Variants in FBN2 observed in about 807,000 individuals in gnomAD.
FBN2 encodes the protein fibrillin 2, also known as fibrillin-2.
In FBN2, 105 loss-of-function variants were observed where a neutral mutation model predicts 355.6. The observed-to-expected ratio is 0.30, with a 90% CI of 0.25 to 0.35. The LOEUF (loss-of-function observed/expected upper bound fraction) is 0.35, where lower values mean the gene tolerates loss of function less well. Among genes scored for constraint, FBN2 ranks in the 10% least tolerant of loss-of-function variants. The pLI is 1.00. For missense variants in FBN2, 3,280 were observed against 3,758.7 expected (o/e 0.87, Z 3.33); for synonymous variants, 1,350 against 1,301.2 (o/e 1.04, Z -0.81).
chr5:128,428,267 A>C (rs1245317803), intron 7 of FBN2, among the ~76,000 whole-genome samples: 1 of 152,206 alleles, frequency 6.6e-6, no homozygotes, highest in Non-Finnish European at 1.5e-5. Context: ...AATGAAGGTC[A>C]GAATATTATA....
At chr5:128,499,577 T>C (rs1273926021) in intron 5 of FBN2, among the ~76,000 whole-genome samples, 2 of 152,098 alleles carry the variant, frequency 1.3e-5, no homozygotes, top group African/African-American at 4.8e-5. Context: ...GTATTCAGAG[T>C]ACTGAATTTG....
At chr5:128,419,365 G>A (rs1753285482) in intron 7 of FBN2, among the ~76,000 whole-genome samples, 1 of 152,138 alleles carries the variant, frequency 6.6e-6, no homozygotes, top group South Asian at 2.1e-4. Context: ...GAAATGGTGA[G>A]AGTAGACATC....
chr5:128,356,323 T>G (rs1751502914), intron 20 of FBN2, among the ~76,000 whole-genome samples: 1 of 152,338 alleles, frequency 6.6e-6, no homozygotes, highest in Non-Finnish European at 1.5e-5. Context: ...GTCATTTGTC[T>G]TTATGTAACA....
intron 7 of FBN2, among the ~76,000 whole-genome samples, chr5:128,414,251 C>G (rs561484763): frequency 4.6e-5 from 7 of 152,152 alleles, no homozygotes; most frequent in South Asian, 2.1e-4. Flanking sequence ...TCATCCCCCC[C>G]CAAGGAAATT....
chr5:128,524,713 T>C (rs911589013), intron 4 of FBN2, among the ~76,000 whole-genome samples: 1 of 152,182 alleles, frequency 6.6e-6, no homozygotes, highest in Non-Finnish European at 1.5e-5. Flanking sequence ...CCTTACACCA[T>C]TCCTTGAGCT....
intron 4 of FBN2, among the ~76,000 whole-genome samples, chr5:128,520,532 G>A (rs1385185813): frequency 6.6e-6 from 1 of 152,060 alleles, no homozygotes; most frequent in Non-Finnish European, 1.5e-5. Flanking sequence ...CATAAAATGG[G>A]AAACTCAATA....
At chr5:128,471,790 G>T (rs1754867882) in intron 5 of FBN2, among the ~76,000 whole-genome samples, 1 of 151,960 alleles carries the variant, frequency 6.6e-6, no homozygotes, top group Non-Finnish European at 1.5e-5. Flanking sequence ...TAAGCTTCAG[G>T]TCTTATAAAA....
At chr5:128,518,007 A>G (rs1486809623) in intron 5 of FBN2, among the ~76,000 whole-genome samples, 1 of 152,174 alleles carries the variant, frequency 6.6e-6, no homozygotes, top group East Asian at 1.9e-4. Flanking sequence ...ACGAAGTTTA[A>G]CTTCTTGATA....
rs568817492 is a variant in FBN2 at position 128,345,769 on chromosome 5, G to A, written c.2990-185C>T. ...ACAGTCATTTAAGGAGAACAAAGGTGAGATCCTCTTCAGTCTTAATTCTCA... is the reference window on the plus strand; with the variant it reads ...ACAGTCATTTAAGGAGAACAAAGGTAAGATCCTCTTCAGTCTTAATTCTCA... On this transcript the variant is annotated intron_variant, in intron 23 of 64. Coordinates refer to ENST00000262464, the MANE Select transcript of FBN2 (RefSeq NM_001999.4). 6.6e-5 allele frequency among the ~76,000 whole-genome samples: 10 copies of A among 152,302 alleles called. 1 individual carries two copies. The South Asian group carries it at 1.2e-3, about 19-fold the overall frequency.
At chr5:128,328,570 T>C (rs1210882378) in intron 34 of FBN2, 126 bp downstream of exon 34, 2 of 997,566 alleles carry the variant, frequency 2.0e-6, no homozygotes, top group African/African-American at 3.2e-5. Context: ...CTTAAACGAA[T>C]GACTTTTATA....
At chr5:128,316,864 C>G (rs1422121210) in intron 36 of FBN2, among the ~76,000 whole-genome samples, 5 of 152,092 alleles carry the variant, frequency 3.3e-5, no homozygotes, top group Non-Finnish European at 7.4e-5. Flanking sequence ...ATATTGAGGC[C>G]CCAGTGAGTC....
intron 62 of FBN2, among the ~76,000 whole-genome samples, chr5:128,266,149 G>A (rs143869322): frequency 1.1e-4 from 17 of 152,260 alleles, no homozygotes; most frequent in Non-Finnish European, 1.9e-4. Context: ...ATCTAATGGC[G>A]TTACATGAAT....
intron 5 of FBN2, among the ~76,000 whole-genome samples, chr5:128,504,635 T>G (rs1352811353): frequency 6.6e-6 from 1 of 152,186 alleles, no homozygotes; most frequent in East Asian, 1.9e-4. Context: ...TTGGAACAGG[T>G]GTATTTACCC....
intron 2 of FBN2, among the ~76,000 whole-genome samples, chr5:128,531,771 T>A (rs1256793856): frequency 1.3e-5 from 2 of 151,074 alleles, no homozygotes; most frequent in Non-Finnish European, 2.9e-5. Context: ...CTTTAAAAGG[T>A]CTAAAAGAAC....
chr5:128,485,938 A>G (rs2127117219), intron 5 of FBN2, among the ~76,000 whole-genome samples: 1 of 152,296 alleles, frequency 6.6e-6, no homozygotes, highest in South Asian at 2.1e-4. Flanking sequence ...AATTAAGAAC[A>G]CAGTGCTTCT....
chr5:128,419,045 A>G (rs2127013253), intron 7 of FBN2, among the ~76,000 whole-genome samples: 1 of 152,320 alleles, frequency 6.6e-6, no homozygotes, highest in African/African-American at 2.4e-5. Flanking sequence ...TCAGTGTACA[A>G]ATCTATCACC....
chr5:128,525,064 G>A lies in FBN2; in HGVS notation c.532+2808C>T, dbSNP rs559500595. Among the ~76,000 whole-genome samples the A allele has an allele frequency of 2.0e-5, 3 of 152,232 alleles. No individual in the cohort carries two copies. In the South Asian group the frequency reaches 6.2e-4, roughly 32 times the overall value. ...AGACACACCCACTAGAGCGTGTTCT[G>A]TACAACCCTCATACATACATACACA... On this transcript the variant is annotated intron_variant, in intron 4 of 64. Coordinates refer to ENST00000262464, the MANE Select transcript of FBN2 (RefSeq NM_001999.4).
At chr5:128,333,414 T>A (rs191446470) in intron 31 of FBN2, among the ~76,000 whole-genome samples, 48 of 152,302 alleles carry the variant, frequency 3.2e-4, no homozygotes, top group African/African-American at 9.6e-4. Context: ...TAATAGATGG[T>A]GCTATTCCTT....
At chr5:128,432,658 C>T (rs932885242) in intron 7 of FBN2, among the ~76,000 whole-genome samples, 19 of 151,928 alleles carry the variant, frequency 1.3e-4, no homozygotes, top group African/African-American at 2.4e-4. Context: ...GTGACTGGCT[C>T]GATGACTTTA....
Sources: allele counts gnomAD v4.1 joint callset (sites outside exome capture counted in the v4.1 genomes callset), GRCh38; gene constraint gnomAD v4.1.1; transcripts MANE v1.5; gene names NCBI Gene and HGNC (gene_info 2026-07-23, HGNC 2026-07-21).